The following CLNK variants were observed in gnomAD, a reference collection of about 807,000 sequenced individuals.
CLNK encodes cytokine-dependent hematopoietic cell linker.
CLNK carries 74 observed loss-of-function variants against 68.6 expected under a neutral mutation model. The observed-to-expected ratio is 1.08, with a 90% CI of 0.89 to 1.31. The LOEUF (loss-of-function observed/expected upper bound fraction) is 1.31, where lower values mean the gene tolerates loss of function less well. CLNK is among the 50% of genes most tolerant of loss of function. The probability of loss-of-function intolerance (pLI) is 0.00; values close to 1 mark genes in which losing one functional copy is unlikely to be tolerated. For missense variants in CLNK, 553 were observed against 515.3 expected (o/e 1.07, Z -0.71); for synonymous variants, 198 against 172.2 (o/e 1.15, Z -1.17).
intron 2 of CLNK, among the ~76,000 whole-genome samples, chr4:10,605,375 C>CA (rs1721748497): frequency 6.6e-6 from 1 of 152,070 alleles, no homozygotes; most frequent in Non-Finnish European, 1.5e-5. Flanking sequence ...ACTACACACC[C>CA]AGGTGATACG....
chr4:10,585,466 G>T (rs1174228587), intron 3 of CLNK, among the ~76,000 whole-genome samples: 1 of 152,206 alleles, frequency 6.6e-6, no homozygotes, highest in African/African-American at 2.4e-5. Context: ...AACCAATCCA[G>T]CTGTTTCTGT....
intron 2 of CLNK, among the ~76,000 whole-genome samples, chr4:10,654,262 T>G (rs1443652501): frequency 6.6e-6 from 1 of 151,316 alleles, no homozygotes; most frequent in Non-Finnish European, 1.5e-5. Flanking sequence ...AAGTTTCGTT[T>G]AACATTACCA....
At chr4:10,572,570 TA>T (rs1720394282) in intron 4 of CLNK, among the ~76,000 whole-genome samples, 1 of 152,266 alleles carries the variant, frequency 6.6e-6, no homozygotes, top group African/African-American at 2.4e-5. Context: ...AACAATTTTT[TA>T]AAAATTTCCT....
chr4:10,592,008 C>G (rs920602600), intron 3 of CLNK, among the ~76,000 whole-genome samples: 3 of 152,228 alleles, frequency 2.0e-5, no homozygotes, highest in African/African-American at 7.2e-5. Flanking sequence ...CACCCAAGAC[C>G]CTCTTGGCCG....
intron 2 of CLNK, among the ~76,000 whole-genome samples, chr4:10,602,239 T>C (rs1478485075): frequency 6.6e-6 from 1 of 152,224 alleles, no homozygotes. Context: ...ACCCTTATTA[T>C]TTTTCATGTA....
chr4:10,632,657 C>T (rs894731225), intron 2 of CLNK, among the ~76,000 whole-genome samples: 3 of 152,192 alleles, frequency 2.0e-5, no homozygotes, highest in Admixed American at 2.0e-4. Flanking sequence ...CATTGCCCCC[C>T]TTTTTAAACA....
intron 2 of CLNK, among the ~76,000 whole-genome samples, chr4:10,642,575 ATCTG>A (rs1054829412): frequency 8.5e-5 from 13 of 152,314 alleles, no homozygotes; most frequent in Admixed American, 7.8e-4. Flanking sequence ...AAACCTGGTC[ATCTG>A]TCTGTGCTAG....
At chr4:10,673,672 G>T (rs969415136) in intron 1 of CLNK, among the ~76,000 whole-genome samples, 3 of 150,596 alleles carry the variant, frequency 2.0e-5, no homozygotes, top group Admixed American at 2.0e-4. Context: ...CTGTCAGGGG[G>T]TGGGGGGTCT....
intron 2 of CLNK, among the ~76,000 whole-genome samples, chr4:10,615,013 C>G (rs1313180128): frequency 6.6e-6 from 1 of 151,952 alleles, no homozygotes; most frequent in Non-Finnish European, 1.5e-5. Context: ...TAGCAAAACG[C>G]CATCTCTACT....
rs144997994 is a variant in CLNK at position 10,595,038 on chromosome 4, G to A, written c.83+2940C>T. Among the ~76,000 whole-genome samples, 739 of 152,204 alleles carry A rather than the reference G, an allele frequency of 4.9e-3. 7 individuals are homozygous for A. Among genetic ancestry groups the A allele is most frequent in the African/African-American group, 0.015 (639 of 41,518 alleles). On this transcript the variant is annotated intron_variant, in intron 3 of 18. Transcript: ENST00000226951. Reference sequence around the variant, plus strand: ...TTTGAACCTGGGAGGCGGAGATTGCGCGATTGCACTCCAGCCTGGGCAACA... The same window carrying A: ...TTTGAACCTGGGAGGCGGAGATTGCACGATTGCACTCCAGCCTGGGCAACA...
Position 10,584,395 on chromosome 4 carries a change from T to C in CLNK, c.112+532A>G, listed in dbSNP as rs572136541. Among the ~76,000 whole-genome samples the C allele has an allele frequency of 1.4e-4, 21 of 152,322 alleles. No homozygotes were observed. The South Asian group carries it at 4.1e-3, about 30-fold the overall frequency. On this transcript the variant is annotated intron_variant, in intron 4 of 18. Coordinates refer to ENST00000226951, the MANE Select transcript of CLNK (RefSeq NM_052964.4). ...TTTCTAGGGAAGTTCTGTGGGACTT[T>C]CCCTGAAATAATAACCCTCCCCAGT...
chr4:10,641,426 G>T (rs1423766557), intron 2 of CLNK, among the ~76,000 whole-genome samples: 1 of 152,166 alleles, frequency 6.6e-6, no homozygotes, highest in African/African-American at 2.4e-5. Context: ...TATGTGGAGT[G>T]AAGGGTAAAC....
chr4:10,670,887 G>A (rs568846281), intron 1 of CLNK, among the ~76,000 whole-genome samples: 1 of 152,308 alleles, frequency 6.6e-6, no homozygotes, highest in South Asian at 2.1e-4. Context: ...AAACGCAAGG[G>A]ATCAGGGAGG....
chr4:10,630,593 G>T (rs1329204153), intron 2 of CLNK, among the ~76,000 whole-genome samples: 1 of 152,124 alleles, frequency 6.6e-6, no homozygotes, highest in African/African-American at 2.4e-5. Flanking sequence ...CACTATAGAG[G>T]GAGAGGGAAG....
chr4:10,699,310 C>CGTGTATACACACACACCACATACGTGT, the CLNK span, among the ~76,000 whole-genome samples: 307 of 34,396 alleles, frequency 8.9e-3, 43 homozygotes, highest in East Asian at 0.13. Context: ...ACACCACATA[C>CGTGTATACACACACACCACATACGTGT]GTGTATACAC....
chr4:10,501,736 T>C (rs1717061220), intron 17 of CLNK, among the ~76,000 whole-genome samples: 1 of 152,044 alleles, frequency 6.6e-6, no homozygotes, highest in Non-Finnish European at 1.5e-5. Context: ...AAACCAGGCC[T>C]GCCAACACAG....
rs138238590 is a variant in CLNK, at chr4:10,498,487, G to A, written c.1140+2769C>T. Among the ~76,000 whole-genome samples, 47 of 152,136 alleles carry A rather than the reference G, an allele frequency of 3.1e-4. 1 individual carries two copies. The East Asian group carries it at 6.0e-3, about 19-fold the overall frequency. ...AGCCTGGGTGACAGAGCAAGACTCC[G>A]TCTCAAAATAAAATAAAATAAATAA... On this transcript the variant is annotated intron_variant, in intron 18 of 18. Coordinates refer to ENST00000226951, the MANE Select transcript of CLNK (RefSeq NM_052964.4).
intron 7 of CLNK, among the ~76,000 whole-genome samples, chr4:10,564,395 A>T (rs1208936357): frequency 2.0e-5 from 3 of 152,232 alleles, no homozygotes; most frequent in Admixed American, 6.5e-5. Context: ...TGCGATGAGC[A>T]TTAGATGAGA....
intron 4 of CLNK, 126 bp downstream of exon 4, chr4:10,584,801 C>T: frequency 1.0e-6 from 1 of 979,416 alleles, no homozygotes; most frequent in Non-Finnish European, 1.6e-6. Flanking sequence ...AATGGCATTA[C>T]TAGCTAATGT....
Sources: allele counts gnomAD v4.1 joint callset (sites outside exome capture counted in the v4.1 genomes callset), GRCh38; gene constraint gnomAD v4.1.1; transcripts MANE v1.5; gene names NCBI Gene and HGNC (gene_info 2026-07-23, HGNC 2026-07-21).